Variants in SPAG16 observed in about 807,000 individuals in gnomAD.
SPAG16 encodes sperm associated antigen 16, also known as sperm-associated antigen 16 protein.
In SPAG16, 86 loss-of-function variants were observed where a neutral mutation model predicts 80.4. The observed-to-expected ratio is 1.07, with a 90% confidence interval of 0.90 to 1.28. SPAG16 has a LOEUF of 1.28. Among genes scored for constraint, SPAG16 ranks in the 50% most tolerant of loss-of-function variants. The probability of loss-of-function intolerance (pLI) is 0.00; values close to 1 mark genes in which losing one functional copy is unlikely to be tolerated. For missense variants in SPAG16, 870 were observed against 765.3 expected (o/e 1.14, Z -1.61); for synonymous variants, 294 against 265.9 (o/e 1.11, Z -1.03).
At chr2:213,846,819 T>C (rs1163428905) in intron 10 of SPAG16, among the ~76,000 whole-genome samples, 1 of 152,218 alleles carries the variant, frequency 6.6e-6, no homozygotes, top group African/African-American at 2.4e-5. Context: ...TTCACAGTTA[T>C]GTAGGTCAGA....
At chr2:214,030,095 A>G (rs527845281) in intron 13 of SPAG16, among the ~76,000 whole-genome samples, 1 of 152,160 alleles carries the variant, frequency 6.6e-6, no homozygotes, top group Non-Finnish European at 1.5e-5. Flanking sequence ...TTCATCTTAC[A>G]TAATGGAAAC....
At chr2:213,652,944 C>T (rs922733702) in intron 10 of SPAG16, among the ~76,000 whole-genome samples, 2 of 152,068 alleles carry the variant, frequency 1.3e-5, no homozygotes, top group Admixed American at 1.3e-4. Flanking sequence ...AGATTATCTC[C>T]CGTGTTTCTT....
At chr2:214,057,988 A>C (rs1037919099) in intron 13 of SPAG16, among the ~76,000 whole-genome samples, 7 of 151,942 alleles carry the variant, frequency 4.6e-5, no homozygotes, top group Non-Finnish European at 7.4e-5. Context: ...CCCTGGATTA[A>C]GCTTTGGCTT....
intron 9 of SPAG16, among the ~76,000 whole-genome samples, chr2:213,376,055 A>G (rs1438643758): frequency 6.6e-6 from 1 of 151,448 alleles, no homozygotes; most frequent in South Asian, 2.1e-4. Context: ...TAAAATAAAA[A>G]CTAATCACTT....
intron 13 of SPAG16, among the ~76,000 whole-genome samples, chr2:214,087,696 G>T (rs2051871535): frequency 6.6e-6 from 1 of 151,984 alleles, no homozygotes; most frequent in African/African-American, 2.4e-5. Context: ...ATTAACCAGG[G>T]AATTAAAAGA....
chr2:213,339,128 A>C (rs2064542913), intron 5 of SPAG16, among the ~76,000 whole-genome samples: 1 of 152,204 alleles, frequency 6.6e-6, no homozygotes, highest in South Asian at 2.1e-4. Context: ...GTCGTTAATC[A>C]ACATATGCTT....
Position 214,012,275 on chromosome 2 carries a change from TATATATATA to T in SPAG16, c.1401-1675_1401-1667del, listed in dbSNP as rs1220899453. On this transcript the variant is annotated intron_variant, in intron 12 of 15. Coordinates refer to ENST00000331683, the MANE Select transcript of SPAG16 (RefSeq NM_024532.5). Reference sequence around the variant, plus strand: ...TTATACTTACATATATATATATATATATATATATATATATTTTTTTTTTTTTTTTTTTTT... The same window carrying T: ...TTATACTTACATATATATATATATATTATATTTTTTTTTTTTTTTTTTTTT... 2.2e-4 allele frequency among the ~76,000 whole-genome samples: 11 copies of T among 50,362 alleles called. 1 individual carries two copies. Among genetic ancestry groups the T allele is most frequent in the African/African-American group, 7.6e-4 (10 of 13,162 alleles). 33.0% of individuals were successfully genotyped at this position (50,362 alleles called of 152,430 possible). A position where few individuals can be genotyped will look rare whatever the true frequency, so the allele number is the denominator to read the frequency against.
chr2:214,296,732 T>G (rs1003349766), intron 15 of SPAG16, among the ~76,000 whole-genome samples: 2 of 152,138 alleles, frequency 1.3e-5, no homozygotes, highest in Non-Finnish European at 2.9e-5. Flanking sequence ...TGATAATAGT[T>G]TGGATGTATG....
chr2:214,204,533 C>T (rs1422270658), intron 15 of SPAG16, among the ~76,000 whole-genome samples: 3 of 152,264 alleles, frequency 2.0e-5, no homozygotes, highest in East Asian at 1.9e-4. Context: ...TGTATGAGCC[C>T]AGAGACTGGT....
At chr2:213,936,011 A>T (rs917491837) in intron 12 of SPAG16, among the ~76,000 whole-genome samples, 3 of 148,126 alleles carry the variant, frequency 2.0e-5, no homozygotes, top group African/African-American at 4.8e-5. Flanking sequence ...ACTAGAGCAC[A>T]GGTGAAAAGG....
intron 15 of SPAG16, among the ~76,000 whole-genome samples, chr2:214,330,286 A>G (rs1443346776): frequency 6.6e-6 from 1 of 151,782 alleles, no homozygotes; most frequent in Non-Finnish European, 1.5e-5. Context: ...TCAAAAAAAA[A>G]AAAAGGAAAA....
intron 14 of SPAG16, among the ~76,000 whole-genome samples, chr2:214,131,497 A>C (rs2054775642): frequency 6.6e-6 from 1 of 152,210 alleles, no homozygotes; most frequent in Non-Finnish European, 1.5e-5. Flanking sequence ...TTATATTTAC[A>C]CAAAAACCTC....
chr2:213,724,438 TA>T (rs1296830463), intron 10 of SPAG16, among the ~76,000 whole-genome samples: 1 of 151,962 alleles, frequency 6.6e-6, no homozygotes, highest in African/African-American at 2.4e-5. Context: ...ATGCTAAAAT[TA>T]AAATAAACCA....
chr2:213,811,836 AAAGGAAAGGC>A (rs2072175090), intron 10 of SPAG16, among the ~76,000 whole-genome samples: 1 of 152,178 alleles, frequency 6.6e-6, no homozygotes, highest in South Asian at 2.1e-4. Context: ...TATGGTAAGA[AAAGGAAAGGC>A]AAGCAGTGAG....
At chr2:213,599,447 T>A (rs1393420958) in intron 10 of SPAG16, among the ~76,000 whole-genome samples, 1 of 152,178 alleles carries the variant, frequency 6.6e-6, no homozygotes, top group African/African-American at 2.4e-5. Flanking sequence ...CTCCTCTTCC[T>A]CGGCCTACTC....
chr2:214,269,111 T>A (rs1166847252), intron 15 of SPAG16, among the ~76,000 whole-genome samples: 1 of 152,060 alleles, frequency 6.6e-6, no homozygotes, highest in African/African-American at 2.4e-5. Flanking sequence ...ATTTATGTCC[T>A]TAAGGTATCC....
At chr2:213,895,754 C>T (rs1162705128) in intron 11 of SPAG16, among the ~76,000 whole-genome samples, 1 of 151,954 alleles carries the variant, frequency 6.6e-6, no homozygotes, top group Non-Finnish European at 1.5e-5. Context: ...AACTGGATCC[C>T]CATCTTTTAC....
intron 10 of SPAG16, among the ~76,000 whole-genome samples, chr2:213,495,626 T>A (rs2074447001): frequency 6.6e-6 from 1 of 152,164 alleles, no homozygotes; most frequent in African/African-American, 2.4e-5. Context: ...ATGCTGTATT[T>A]GATGGCCATA....
intron 10 of SPAG16, among the ~76,000 whole-genome samples, chr2:213,762,206 G>A (rs1216523605): frequency 6.6e-6 from 1 of 152,176 alleles, no homozygotes; most frequent in Admixed American, 6.5e-5. Flanking sequence ...GGGACTGGGA[G>A]GAAGGGAGAA....
Sources: allele counts gnomAD v4.1 joint callset (sites outside exome capture counted in the v4.1 genomes callset), GRCh38; gene constraint gnomAD v4.1.1; transcripts MANE v1.5; gene names NCBI Gene and HGNC (gene_info 2026-07-23, HGNC 2026-07-21).